The following UGGT2 variants were observed in gnomAD, a reference collection of about 807,000 sequenced individuals.
UGGT2 encodes the protein UDP-glucose glycoprotein glucosyltransferase 2.
In UGGT2, 180 loss-of-function variants were observed where a neutral mutation model predicts 192.1. That is an observed-to-expected ratio of 0.94 (90% CI 0.83 to 1.06). The LOEUF (loss-of-function observed/expected upper bound fraction) is 1.06. Ranked by LOEUF, UGGT2 falls within the 50% of genes least tolerant of loss-of-function variation. The pLI is 0.00. For synonymous variants in UGGT2, 580 were observed against 591.0 expected (o/e 0.98, Z 0.27); for missense variants, 1,849 against 1,795.7 (o/e 1.03, Z -0.54).
At chr13:95,932,739 C>T (rs1027137795) in intron 17 of UGGT2, among the ~76,000 whole-genome samples, 1 of 151,874 alleles carries the variant, frequency 6.6e-6, no homozygotes, top group African/African-American at 2.4e-5. Flanking sequence ...TCATAGATGG[C>T]GTTTATTATT....
chr13:95,907,249 G>A (rs533046269), intron 20 of UGGT2, among the ~76,000 whole-genome samples: 19 of 152,348 alleles, frequency 1.2e-4, no homozygotes, highest in Admixed American at 3.9e-4. Flanking sequence ...TAAACAAAGC[G>A]GCTGGGAAGC....
At position 95,854,386 on chromosome 13, in the gene UGGT2, T is replaced by C; in HGVS notation, c.4098A>G (p.Glu1366=). The C allele has an allele frequency of 1.9e-6, 3 of 1,613,924 alleles. No individual in the cohort carries two copies. Among genetic ancestry groups the C allele is most frequent in the Non-Finnish European group, 1.7e-6 (2 of 1,179,906 alleles). Residue 1366 remains glutamate (E), a synonymous_variant, in exon 35 of 39, where the codon GAA becomes GAG. Coordinates refer to ENST00000376747, the MANE Select transcript of UGGT2 (RefSeq NM_020121.4). ...GYTPFCDSRR[E]MDGYRFWKTG... is the part of the protein sequence containing the mutation. ...TTTTCCAGAAACGATATCCATCCAT[T>C]TCCCTGCGGCTATCACAAAATGGAG... is the stretch of plus-strand genomic sequence containing the variant.
rs188244744 is a variant in UGGT2 at position 96,005,967 on chromosome 13, T to G, written c.661-6660A>C. 4.6e-5 allele frequency among the ~76,000 whole-genome samples: 7 copies of G among 152,274 alleles called. No homozygotes were observed. In the East Asian group the frequency reaches 1.2e-3, roughly 25 times the overall value. Reference sequence around the variant, plus strand: ...CTCAATCCTGCATACATGAAAGGCATGGCCTAAACTAAAGGCAGGGTCAAG... The same window carrying G: ...CTCAATCCTGCATACATGAAAGGCAGGGCCTAAACTAAAGGCAGGGTCAAG... On this transcript the variant is annotated intron_variant, in intron 5 of 38. Transcript: ENST00000376747.
At chr13:95,970,882 C>T (rs1465498431) in intron 11 of UGGT2, among the ~76,000 whole-genome samples, 1 of 152,158 alleles carries the variant, frequency 6.6e-6, no homozygotes, top group East Asian at 1.9e-4. Context: ...AAAAGGGACT[C>T]TTTAATGGGC....
At chr13:95,870,507 C>G (rs1341558311) in intron 29 of UGGT2, among the ~76,000 whole-genome samples, 1 of 152,164 alleles carries the variant, frequency 6.6e-6, no homozygotes, top group Admixed American at 6.5e-5. Flanking sequence ...GCTTAGCTTT[C>G]TGGGTACCAA....
chr13:95,879,444 T>C (rs193174311), intron 27 of UGGT2, among the ~76,000 whole-genome samples: 7 of 152,294 alleles, frequency 4.6e-5, no homozygotes, highest in African/African-American at 1.7e-4. Flanking sequence ...ATTTATTTGT[T>C]TGTTTGTTTG....
chr13:96,042,575 G>A (rs1222637983), intron 1 of UGGT2, among the ~76,000 whole-genome samples: 1 of 151,754 alleles, frequency 6.6e-6, no homozygotes, highest in East Asian at 1.9e-4. Context: ...AATCAAGGAG[G>A]CACCAGAGAA....
At chr13:95,958,691 G>A (rs2050290622) in intron 12 of UGGT2, among the ~76,000 whole-genome samples, 1 of 151,028 alleles carries the variant, frequency 6.6e-6, no homozygotes, top group Non-Finnish European at 1.5e-5. Context: ...ATAGTAAGCA[G>A]ATAATCACAC....
At chr13:96,042,669 T>C (rs2053198584) in intron 1 of UGGT2, among the ~76,000 whole-genome samples, 1 of 149,988 alleles carries the variant, frequency 6.7e-6, no homozygotes. Context: ...ATTGCATAAA[T>C]AAAAACAATC....
At chr13:95,860,939 G>A in intron 31 of UGGT2, 56 bp from the exon 32 acceptor site, 1 of 985,188 alleles carries the variant, frequency 1.0e-6, no homozygotes. Context: ...AACATTGTAT[G>A]CCTAAATAGT....
chr13:95,868,696 A>G (rs1890914740), intron 29 of UGGT2, among the ~76,000 whole-genome samples: 3 of 152,194 alleles, frequency 2.0e-5, no homozygotes. Flanking sequence ...TATAGTCACA[A>G]AACACTACTT....
intron 29 of UGGT2, among the ~76,000 whole-genome samples, chr13:95,869,053 A>C: frequency 1.6e-5 from 2 of 122,642 alleles, no homozygotes; most frequent in African/African-American, 3.1e-5. Flanking sequence ...ACCCCACAAC[A>C]GGCCCCAGTG....
chr13:95,855,935 C>T (rs1316651357), intron 34 of UGGT2, among the ~76,000 whole-genome samples: 1 of 152,112 alleles, frequency 6.6e-6, no homozygotes, highest in Non-Finnish European at 1.5e-5. Flanking sequence ...AGAGAGAAAA[C>T]TTCCATGTCC....
intron 20 of UGGT2, among the ~76,000 whole-genome samples, chr13:95,924,415 T>TTTTTTTTTTTTTTTTA: frequency 7.5e-6 from 1 of 133,736 alleles, no homozygotes; most frequent in Non-Finnish European, 1.5e-5. Context: ...TTTTTTTTTT[T>TTTTTTTTTTTTTTTTA]TTTTTTTTTG....
chr13:96,052,573 A>G (rs946425000), intron 1 of UGGT2, among the ~76,000 whole-genome samples: 1 of 152,220 alleles, frequency 6.6e-6, no homozygotes, highest in Non-Finnish European at 1.5e-5. Context: ...ACAGCCATTA[A>G]GTCATTGGTG....
At chr13:95,942,221 G>GGGGGGTGT (rs1285651365) in intron 15 of UGGT2, among the ~76,000 whole-genome samples, 1 of 117,992 alleles carries the variant, frequency 8.5e-6, no homozygotes, top group Non-Finnish European at 1.9e-5. Flanking sequence ...TTAGGGTGAG[G>GGGGGGTGT]GTGTGTGTGT....
chr13:96,037,739 C>T (rs1566849983), intron 1 of UGGT2, among the ~76,000 whole-genome samples: 1 of 152,174 alleles, frequency 6.6e-6, no homozygotes, highest in Non-Finnish European at 1.5e-5. Context: ...TCCTATCTGC[C>T]CAGCTCCTTC....
At chr13:96,047,219 C>T (rs1323436127) in intron 1 of UGGT2, among the ~76,000 whole-genome samples, 2 of 152,292 alleles carry the variant, frequency 1.3e-5, no homozygotes, top group East Asian at 3.9e-4. Context: ...AGGCACTTCC[C>T]AGTAGGGGCC....
intron 13 of UGGT2, among the ~76,000 whole-genome samples, chr13:95,948,446 G>A (rs987045848): frequency 2.6e-5 from 4 of 151,950 alleles, no homozygotes; most frequent in Non-Finnish European, 5.9e-5. Flanking sequence ...AGGAAATAGA[G>A]ATTGAATTTT....
Sources: gnomAD v4.1 joint callset for allele counts (sites outside exome capture counted in the v4.1 genomes callset) on GRCh38, gnomAD v4.1.1 for gene constraint, MANE v1.5 for transcripts, NCBI Gene and HGNC (gene_info 2026-07-23, HGNC 2026-07-21) for gene names.